The following RNF19A variants were observed in gnomAD, a reference collection of about 807,000 sequenced individuals.
RNF19A encodes the protein E3 ubiquitin-protein ligase RNF19A.
RNF19A carries 32 observed loss-of-function variants against 75.7 expected under a neutral mutation model. The ratio of observed to expected loss-of-function variants is 0.42; its 90% confidence interval spans 0.32 to 0.57. The LOEUF (loss-of-function observed/expected upper bound fraction) is 0.57, where lower values mean the gene tolerates loss of function less well. RNF19A is among the 20% of genes least tolerant of loss of function. The pLI, the probability that RNF19A is intolerant of heterozygous loss-of-function variation, is 0.10. For synonymous variants in RNF19A, 335 were observed against 345.2 expected (o/e 0.97, Z 0.33); for missense variants, 782 against 1,036.3 (o/e 0.75, Z 3.37).
chr8:100,291,344 T>TTAAA (rs1206476411), intron 1 of RNF19A, among the ~76,000 whole-genome samples: 3 of 152,224 alleles, frequency 2.0e-5, no homozygotes, highest in Non-Finnish European at 4.4e-5. Context: ...GTGCTTAGTA[T>TTAAA]TAAATGAATG....
At chr8:100,328,628 C>T (rs994220385) in intron 1 of RNF19A, among the ~76,000 whole-genome samples, 4 of 152,070 alleles carry the variant, frequency 2.6e-5, no homozygotes, top group Admixed American at 2.6e-4. Context: ...CGCGCCACCA[C>T]ACCCAGCTAA....
At chr8:100,293,545 T>A (rs919937501) in intron 1 of RNF19A, among the ~76,000 whole-genome samples, 4 of 152,226 alleles carry the variant, frequency 2.6e-5, no homozygotes, top group Non-Finnish European at 5.9e-5. Flanking sequence ...CTATCTTGGA[T>A]GTTCAGCAGT....
chr8:100,309,712 G>A (rs1271052300), intron 1 of RNF19A, among the ~76,000 whole-genome samples, 155 bp downstream of exon 1: 2 of 152,206 alleles, frequency 1.3e-5, no homozygotes, highest in African/African-American at 4.8e-5. Flanking sequence ...CTGGACACTG[G>A]AGGAGACGCC....
At chr8:100,285,452 A>G (rs1026887911) in intron 2 of RNF19A, among the ~76,000 whole-genome samples, 2 of 152,080 alleles carry the variant, frequency 1.3e-5, no homozygotes, top group African/African-American at 2.4e-5. Context: ...AGCCCTACCT[A>G]TTGTGTTCAA....
rs1586704986 is a variant in RNF19A at position 100,331,032 on chromosome 8, A to G, written c.-243+5076T>C. Among the ~76,000 whole-genome samples the G allele has an allele frequency of 6.6e-6, 1 of 152,172 alleles. No individual in the cohort carries two copies. Among genetic ancestry groups the G allele is most frequent in the East Asian group, 1.9e-4 (1 of 5,206 alleles). On this transcript the variant is annotated intron_variant, in intron 1 of 3. Transcript: ENST00000519527. The surrounding 1 kb of genome is among the most constrained non-coding windows in gnomAD (Gnocchi z 5.2). ...GTCTTCCTTTCACATTGATACGTCCATTTCTATCTATGGCTCCTCCACTTT... is the reference window on the plus strand; with the variant it reads ...GTCTTCCTTTCACATTGATACGTCCGTTTCTATCTATGGCTCCTCCACTTT...
rs189403349 is a variant in RNF19A, at chr8:100,328,985, C to T, written c.-243+7123G>A. ...GGTGGATCTAGGAATCTGGGTCTTGCGCAGGTTTATCAGTTTGGCTACATG... is the reference window on the plus strand; with the variant it reads ...GGTGGATCTAGGAATCTGGGTCTTGTGCAGGTTTATCAGTTTGGCTACATG... On this transcript the variant is annotated intron_variant, in intron 1 of 3. Transcript: ENST00000519527. 2.0e-4 allele frequency among the ~76,000 whole-genome samples: 30 copies of T among 152,252 alleles called. No homozygotes were observed. In the East Asian group the frequency reaches 4.6e-3, roughly 23 times the overall value.
intron 1 of RNF19A, among the ~76,000 whole-genome samples, chr8:100,292,536 C>T (rs921065204): frequency 6.6e-6 from 1 of 151,912 alleles, no homozygotes; most frequent in African/African-American, 2.4e-5. Flanking sequence ...TTTTAACGTG[C>T]TCAAATTCAC....
chr8:100,268,988 A>G, intron 4 of RNF19A, 41 bp from the exon 5 acceptor site: 2 of 1,482,608 alleles, frequency 1.3e-6, no homozygotes, highest in Middle Eastern at 1.8e-4. Context: ...GCTGCAAAAC[A>G]CCACAATAAC....
intron 1 of RNF19A, among the ~76,000 whole-genome samples, chr8:100,304,116 C>T (rs1194105446): frequency 3.9e-5 from 6 of 151,970 alleles, no homozygotes; most frequent in African/African-American, 7.3e-5. Context: ...ACCACCATAC[C>T]TAGGTAAATT....
At chr8:100,298,318 G>A (rs1284614769) in intron 1 of RNF19A, among the ~76,000 whole-genome samples, 2 of 151,870 alleles carry the variant, frequency 1.3e-5, no homozygotes, top group Admixed American at 6.6e-5. Flanking sequence ...TAAAGTACAC[G>A]AATTTCTCAA....
chr8:100,285,031 C>A (rs1016529481), intron 2 of RNF19A, among the ~76,000 whole-genome samples: 3 of 152,086 alleles, frequency 2.0e-5, no homozygotes, highest in African/African-American at 7.2e-5. Flanking sequence ...AAGAGGTAAC[C>A]AATAAAACCA....
chr8:100,288,355 T>A (rs1165826171), intron 1 of RNF19A, 88 bp from the exon 2 acceptor site: 2 of 945,748 alleles, frequency 2.1e-6, no homozygotes, highest in Non-Finnish European at 2.8e-6. Flanking sequence ...CAAACAAGTA[T>A]GTTTCTTAAC....
chr8:100,288,036 A>G lies in RNF19A; in HGVS notation c.139T>C (p.Ser47Pro). Residue 47 changes from serine to proline, a missense_variant, in exon 2 of 10, where the codon TCT becomes CCT. By Grantham distance (74) the Ser-to-Pro change is moderately conservative. This residue lies in a region of RNF19A where 148 missense variants were observed against 147.9 expected (regional missense o/e 1.00). Coordinates refer to ENST00000341084, the MANE Select transcript of RNF19A (RefSeq NM_183419.4). ...QMGSDRDLQSSASSVSLPSVK... is the reference protein window; with the variant it reads ...QMGSDRDLQSPASSVSLPSVK... ...GAAGGCAAGCTCACAGATGAAGCAG[A>G]GGACTGAAGATCTCGATCTGAACCC... 6.2e-7 allele frequency: 1 copy of G among 1,614,212 alleles called. No individual in the cohort carries two copies. Among genetic ancestry groups the G allele is most frequent in the South Asian group, 1.1e-5 (1 of 91,088 alleles).
chr8:100,280,213 C>A lies in RNF19A; in HGVS notation c.675-5052G>T, dbSNP rs1820718002. Among the ~76,000 whole-genome samples the A allele has an allele frequency of 3.9e-5, 6 of 152,280 alleles. No homozygotes were observed. The South Asian group carries it at 1.0e-3, about 26-fold the overall frequency. On this transcript the variant is annotated intron_variant, in intron 2 of 9. Coordinates refer to ENST00000341084, the MANE Select transcript of RNF19A (RefSeq NM_183419.4). Reference sequence around the variant, plus strand: ...AATTAACTAAAAATTTCCATTTATTCTTGTATCCCAGAAGTTCATCATACT... The same window carrying A: ...AATTAACTAAAAATTTCCATTTATTATTGTATCCCAGAAGTTCATCATACT...
At chr8:100,276,106 C>T (rs1820496743) in intron 2 of RNF19A, among the ~76,000 whole-genome samples, 1 of 152,062 alleles carries the variant, frequency 6.6e-6, no homozygotes, top group Non-Finnish European at 1.5e-5. Flanking sequence ...TGGCATTTAT[C>T]CCAAACAAAT....
upstream of RNF19A, chr8:100,310,243 A>T (rs1822252183): frequency 3.0e-6 from 3 of 984,990 alleles, no homozygotes; most frequent in Non-Finnish European, 3.6e-6. Context: ...GCGGCTCTGG[A>T]CGCGGCTGTT....
chr8:100,279,060 A>C (rs1820657680), intron 2 of RNF19A, among the ~76,000 whole-genome samples: 1 of 152,180 alleles, frequency 6.6e-6, no homozygotes, highest in Non-Finnish European at 1.5e-5. Context: ...AATTCCTTAC[A>C]AGTTCTGAGT....
Position 100,309,946 on chromosome 8 carries a change from G to A in RNF19A, c.-173C>T. 2 of 985,940 alleles carry A rather than the reference G, an allele frequency of 2.0e-6. No individual in the cohort carries two copies. The highest frequency in any genetic ancestry group is 2.4e-6 in the Non-Finnish European group (2 of 830,362). 61.1% of individuals were successfully genotyped at this position (985,940 alleles called of 1,614,324 possible). On this transcript the variant is annotated 5_prime_UTR_variant, in exon 1 of 10. Coordinates refer to ENST00000341084, the MANE Select transcript of RNF19A (RefSeq NM_183419.4). ...CCCAGCAGCGGCGACAGCAGCCTGA[G>A]GAAGCGCGGGGGAGGGTCCCTCCGA...
intron 2 of RNF19A, among the ~76,000 whole-genome samples, chr8:100,276,045 TTAA>T (rs1442779728): frequency 1.3e-5 from 2 of 152,066 alleles, no homozygotes; most frequent in Non-Finnish European, 2.9e-5. Flanking sequence ...TTTCTCCGAG[TTAA>T]TATTTCTGAC....
Sources: gnomAD v4.1 joint callset for allele counts (sites outside exome capture counted in the v4.1 genomes callset) on GRCh38, gnomAD v4.1.1 for gene constraint, gnomAD v4.1.1 regional missense constraint, Gnocchi (gnomAD v3.1) non-coding constraint, MANE v1.5 for transcripts, NCBI Gene and HGNC (gene_info 2026-07-23, HGNC 2026-07-21) for gene names.